Variants in HEATR4 observed in about 807,000 individuals in gnomAD.
HEATR4 encodes HEAT repeat containing 4.
Under a neutral mutation model 108.8 loss-of-function variants are expected in HEATR4, and 95 were observed. The ratio of observed to expected loss-of-function variants is 0.87; its 90% CI spans 0.74 to 1.04. The LOEUF (loss-of-function observed/expected upper bound fraction) is 1.04, where lower values mean the gene tolerates loss of function less well. HEATR4 is among the 50% of genes least tolerant of loss of function. The pLI is 0.00. For synonymous variants in HEATR4, 443 were observed against 459.4 expected, an observed-to-expected ratio of 0.96 and a Z score of 0.46; for missense variants, 1,152 against 1,253.8, an observed-to-expected ratio of 0.92 and a Z score of 1.23.
chr14:73,562,367 T>A (rs1033669298), upstream of HEATR4, among the ~76,000 whole-genome samples: 1 of 152,124 alleles, frequency 6.6e-6, no homozygotes, highest in African/African-American at 2.4e-5. Flanking sequence ...AGGATGTACA[T>A]AACCTCAGGA....
chr14:73,495,401 AAT>A lies in HEATR4; in HGVS notation c.2626-16_2626-15del, dbSNP rs1326057723. The A allele has an allele frequency of 6.2e-7, 1 of 1,605,182 alleles. No homozygotes were observed. The highest frequency in any genetic ancestry group is 1.1e-5 in the South Asian group (1 of 90,076). On this transcript the variant is annotated splice_polypyrimidine_tract_variant and intron_variant, in intron 15 of 17. Coordinates refer to ENST00000553558, the MANE Select transcript of HEATR4 (RefSeq NM_001220484.1). Reference sequence around the variant, plus strand: ...TAGTGTTTTAATCTAAATTAGAACAAATAATGTTTGAAAAACAAAACAAAACA... The same window carrying A: ...TAGTGTTTTAATCTAAATTAGAACAAAATGTTTGAAAAACAAAACAAAACA...
intron 17 of HEATR4, among the ~76,000 whole-genome samples, chr14:73,479,438 TC>T (rs60962045): frequency 0.043 from 4,054 of 95,308 alleles, 249 homozygotes; most frequent in African/African-American, 0.15. Context: ...TTTCTTTCTT[TC>T]TTTTTTTTTT....
intron 1 of HEATR4, among the ~76,000 whole-genome samples, chr14:73,544,357 TA>T (rs1284291045): frequency 1.8e-4 from 21 of 115,596 alleles, no homozygotes; most frequent in African/African-American, 5.3e-4. Context: ...GCACATAATA[TA>T]AAAAGTATAT....
In HEATR4 at chr14:73,512,058, AC is replaced by A. The variant is rs1212537847; in HGVS notation, c.1505del (p.Cys502LeufsTer33). On this transcript the variant is annotated frameshift_variant, in exon 7 of 18. Coordinates refer to ENST00000553558, the MANE Select transcript of HEATR4 (RefSeq NM_001220484.1). LOFTEE classifies it high-confidence loss of function. ...GGGGCCGTTCCAAAGCAGCTGTGGCACATGTGGTGATAGCTTTGATCCGAAC... is the reference window on the plus strand; with the variant it reads ...GGGGCCGTTCCAAAGCAGCTGTGGCAATGTGGTGATAGCTTTGATCCGAAC... ...DDVRIKAITTCATAALERPRI... is the reference protein window; with the variant it reads ...DDVRIKAITTXATAALERPRI... The A allele has an allele frequency of 1.9e-6, 3 of 1,614,136 alleles. No homozygotes were observed. The highest frequency in any genetic ancestry group is 1.7e-6 in the Non-Finnish European group (2 of 1,180,020).
chr14:73,612,912 C>T, the HEATR4 span: 2 of 1,359,416 alleles, frequency 1.5e-6, no homozygotes, highest in Non-Finnish European at 9.8e-7. Context: ...GGCCACGACA[C>T]CGAGCCCGGG....
At chr14:73,564,247 G>A in the HEATR4 span, among the ~76,000 whole-genome samples, 25 of 150,146 alleles carry the variant, frequency 1.7e-4, no homozygotes, top group South Asian at 1.7e-3. Context: ...GCAGTGAGCC[G>A]AGATCAGACC....
At chr14:73,590,083 C>T in the HEATR4 span, among the ~76,000 whole-genome samples, 6 of 152,164 alleles carry the variant, frequency 3.9e-5, no homozygotes, top group Non-Finnish European at 7.3e-5. Context: ...CTTCCCGCAA[C>T]GTAGAAAAGA....
chr14:73,495,260 G>A lies in HEATR4; in HGVS notation c.2753C>T (p.Thr918Ile). ...AGTTTCTTGGAGTAAAGTCTGGAGT[G>A]TTAGTGGTCCTTGTTCTCCTTTGGG... The part of the protein sequence containing the change: ...LKPKGEQGPL[T>I]LQTLLQETFQ... The change falls in exon 16 of 18, where the codon ACA becomes ATA. Residue 918 changes from threonine (T) to isoleucine (I), a missense_variant. Transcript: ENST00000553558. 6.2e-7 allele frequency: 1 copy of A among 1,614,016 alleles called. No homozygotes were observed. The highest frequency in any genetic ancestry group is 8.5e-7 in the Non-Finnish European group (1 of 1,179,984).
the HEATR4 span, chr14:73,567,972 A>T: frequency 1.3e-5 from 2 of 152,152 alleles, no homozygotes; most frequent in Non-Finnish European, 2.9e-5. Context: ...GAACTGTATT[A>T]AGAACTGTAA....
chr14:73,588,168 T>A, the HEATR4 span, among the ~76,000 whole-genome samples: 1 of 152,146 alleles, frequency 6.6e-6, no homozygotes, highest in Non-Finnish European at 1.5e-5. Context: ...CGCCAGCTAA[T>A]TTTTGTATCT....
the HEATR4 span, among the ~76,000 whole-genome samples, chr14:73,568,360 A>AG: frequency 2.0e-5 from 3 of 151,772 alleles, no homozygotes; most frequent in Non-Finnish European, 4.4e-5. Flanking sequence ...ATGAAAAAAA[A>AG]AAACACCACA....
chr14:73,577,759 A>T, the HEATR4 span, among the ~76,000 whole-genome samples: 1 of 152,122 alleles, frequency 6.6e-6, no homozygotes, highest in Admixed American at 6.5e-5. Context: ...CATGCCTGTA[A>T]TCCCAGCTAC....
At chr14:73,574,833 C>T in the HEATR4 span, 2 of 1,606,520 alleles carry the variant, frequency 1.2e-6, no homozygotes, top group East Asian at 2.2e-5. Context: ...AACTAACTTC[C>T]AGGGTGGACA....
the HEATR4 span, among the ~76,000 whole-genome samples, chr14:73,578,674 G>A: frequency 1.3e-4 from 20 of 151,908 alleles, no homozygotes; most frequent in Non-Finnish European, 2.4e-4. Flanking sequence ...AATAGAGGCC[G>A]GGTGCGGTGG....
intron 1 of HEATR4, among the ~76,000 whole-genome samples, chr14:73,546,559 C>T (rs1889235530): frequency 8.8e-6 from 1 of 113,646 alleles, no homozygotes; most frequent in Non-Finnish European, 1.9e-5. Flanking sequence ...GACAAGGTTT[C>T]ACCATGTTGT....
chr14:73,591,281 T>TCA, the HEATR4 span, among the ~76,000 whole-genome samples: 5 of 152,056 alleles, frequency 3.3e-5, no homozygotes, highest in African/African-American at 1.2e-4. Context: ...GCGCAGCGGC[T>TCA]CACGCCTGTA....
chr14:73,566,697 G>A, the HEATR4 span, among the ~76,000 whole-genome samples: 1 of 152,170 alleles, frequency 6.6e-6, no homozygotes, highest in Non-Finnish European at 1.5e-5. Flanking sequence ...CGCAGCCTCA[G>A]TTCCCACTTG....
chr14:73,509,355 A>G lies in HEATR4; in HGVS notation c.1677T>C (p.His559=). The change falls in exon 8 of 18, where the codon CAT becomes CAC. Residue 559 remains histidine, a synonymous_variant. Coordinates refer to ENST00000553558, the MANE Select transcript of HEATR4 (RefSeq NM_001220484.1). ...GCATGATGTTCCGGGCAAGGGGATTATGTGACTGTATGGCATATTGGCATA... is the reference window on the plus strand; with the variant it reads ...GCATGATGTTCCGGGCAAGGGGATTGTGTGACTGTATGGCATATTGGCATA... ...AAICQYAIQS[H]NPLARNIMQT... is the part of the protein sequence containing the mutation. 3 of 1,614,138 alleles carry G rather than the reference A, an allele frequency of 1.9e-6. No individual in the cohort carries two copies. The East Asian group carries it at 6.7e-5, about 36-fold the overall frequency.
chr14:73,538,079 T>A lies in HEATR4; in HGVS notation c.-151-7835A>T, dbSNP rs1299890976. On this transcript the variant is annotated intron_variant, in intron 1 of 17. Coordinates refer to ENST00000553558, the MANE Select transcript of HEATR4 (RefSeq NM_001220484.1). ...TGGACCCAAGCTATCCTCCCGCCTCTGCCTCCCCAAGAGCTAGGATTGCAG... is the reference window on the plus strand; with the variant it reads ...TGGACCCAAGCTATCCTCCCGCCTCAGCCTCCCCAAGAGCTAGGATTGCAG... Among the ~76,000 whole-genome samples the A allele has an allele frequency of 2.7e-5, 3 of 111,090 alleles. 1 individual carries two copies. Among genetic ancestry groups the A allele is most frequent in the Non-Finnish European group, 5.8e-5 (3 of 51,434 alleles). The allele number at this position is 111,090 out of a possible 152,430, so 72.9% of individuals were successfully genotyped here.
Sources: gnomAD v4.1 joint callset for allele counts (sites outside exome capture counted in the v4.1 genomes callset) on GRCh38, gnomAD v4.1.1 for gene constraint, MANE v1.5 for transcripts, NCBI Gene and HGNC (gene_info 2026-07-23, HGNC 2026-07-21) for gene names.